SSX2IP: variants seen among roughly 807,000 people sequenced by gnomAD.
SSX2IP encodes afadin- and alpha-actinin-binding protein.
SSX2IP carries 55 observed loss-of-function variants against 84.9 expected under a neutral mutation model. That is an observed-to-expected ratio of 0.65 (90% CI 0.52 to 0.81). The LOEUF is 0.81. Ranked by LOEUF, SSX2IP falls within the 30% of genes least tolerant of loss-of-function variation. SSX2IP has a pLI of 0.00. For missense variants in SSX2IP, 664 were observed against 705.2 expected, an observed-to-expected ratio of 0.94 and a Z score of 0.66; for synonymous variants, 239 against 234.7, an observed-to-expected ratio of 1.02 and a Z score of -0.17.
intron 1 of SSX2IP, 187 bp downstream of exon 1, chr1:84,690,184 G>C (rs1257967723): frequency 6.6e-6 from 1 of 152,322 alleles, no homozygotes; most frequent in Non-Finnish European, 1.5e-5. Context: ...AGCGGCCCGG[G>C]TCGACGCTCG....
At chr1:84,684,730 AACAGGAG>A (rs1171073120) in intron 1 of SSX2IP, among the ~76,000 whole-genome samples, 1 of 152,206 alleles carries the variant, frequency 6.6e-6, no homozygotes, top group Admixed American at 6.5e-5. Context: ...ATATACCACC[AACAGGAG>A]AATGGATAAA....
In SSX2IP at chr1:84,655,855, C is replaced by T. The variant is rs774610707; in HGVS notation, c.1366G>A (p.Ala456Thr). ...FERERRSFTE[A>T]AIRLGLERKA... ...ACCTCCAATCCCAGGCGAATAGCGGCTTCTGTAAAGCTTCGTCTCTCCCTC... is the reference window on the plus strand; with the variant it reads ...ACCTCCAATCCCAGGCGAATAGCGGTTTCTGTAAAGCTTCGTCTCTCCCTC... The change falls in exon 11 of 14, where the codon GCC (alanine) becomes ACC (threonine). Residue 456 changes from alanine to threonine, a missense_variant. Ala to Thr is a moderately conservative substitution (Grantham distance 58). Coordinates refer to ENST00000342203, the MANE Select transcript of SSX2IP (RefSeq NM_001166293.2). The T allele has an allele frequency of 1.9e-6, 3 of 1,613,726 alleles. No individual in the cohort carries two copies. The highest frequency in any genetic ancestry group is 2.5e-6 in the Non-Finnish European group (3 of 1,179,830).
chr1:84,681,065 T>C (rs898592296), intron 1 of SSX2IP, among the ~76,000 whole-genome samples: 14 of 152,138 alleles, frequency 9.2e-5, no homozygotes, highest in African/African-American at 3.1e-4. Context: ...TATACAAATG[T>C]CCTACAGTTT....
At chr1:84,690,307 A>C (rs1027961210) in intron 1 of SSX2IP, 64 bp downstream of exon 1, 25 of 126,556 alleles carry the variant, frequency 2.0e-4, no homozygotes, top group East Asian at 7.4e-4. Flanking sequence ...GCCGGCGCCC[A>C]CCCCCGCCCG....
chr1:84,668,003 A>G (rs1653000477), intron 4 of SSX2IP, among the ~76,000 whole-genome samples: 1 of 152,174 alleles, frequency 6.6e-6, no homozygotes, highest in Non-Finnish European at 1.5e-5. Flanking sequence ...TTGTTCAACA[A>G]GTTGGATTAA....
At chr1:84,657,007 C>T (rs1651212262) in intron 9 of SSX2IP, among the ~76,000 whole-genome samples, 1 of 152,110 alleles carries the variant, frequency 6.6e-6, no homozygotes, top group Non-Finnish European at 1.5e-5. Flanking sequence ...CTCAAATGAA[C>T]AAAATCTCAT....
At chr1:84,669,954 T>A in intron 3 of SSX2IP, 61 bp from the exon 4 acceptor site, 1 of 1,258,372 alleles carries the variant, frequency 7.9e-7, no homozygotes. Context: ...GGTCAGAGGA[T>A]ACAAACTTTC....
rs1364889181 is a variant in SSX2IP, at chr1:84,643,852, C to G, written c.*3581G>C. ...ATATGTCACTGACATTACAGTACTT[C>G]CTGAGCTCTCAGGAATCCATTATTT... On this transcript the variant is annotated 3_prime_UTR_variant, in exon 14 of 14. Transcript: ENST00000342203. The G allele has an allele frequency of 1.3e-5, 2 of 152,094 alleles. No homozygotes were observed. Among genetic ancestry groups the G allele is most frequent in the African/African-American group, 4.8e-5 (2 of 41,412 alleles). The allele number at this position is 152,094 out of a possible 1,614,324, so 9.4% of individuals were successfully genotyped here. A position where few individuals can be genotyped will look rare whatever the true frequency, so the allele number is the denominator to read the frequency against.
At chr1:84,664,051 G>T (rs768647393) in intron 6 of SSX2IP, among the ~76,000 whole-genome samples, 4 of 152,090 alleles carry the variant, frequency 2.6e-5, no homozygotes, top group Non-Finnish European at 5.9e-5. Context: ...TTGGTCTGAT[G>T]AAAAATTTTA....
At chr1:84,686,983 T>C (rs1199957145) in intron 1 of SSX2IP, among the ~76,000 whole-genome samples, 2 of 151,730 alleles carry the variant, frequency 1.3e-5, no homozygotes, top group African/African-American at 2.4e-5. Flanking sequence ...AGATCTAGCA[T>C]GACAAAAAAA....
At chr1:84,667,031 C>G (rs1339674754) in intron 4 of SSX2IP, among the ~76,000 whole-genome samples, 1 of 152,048 alleles carries the variant, frequency 6.6e-6, no homozygotes, top group Non-Finnish European at 1.5e-5. Context: ...ACCTGGATAA[C>G]TCTAAGGTTG....
chr1:84,645,186 T>A lies in SSX2IP; in HGVS notation c.*2247A>T, dbSNP rs1649324267. The A allele has an allele frequency of 6.6e-6, 1 of 152,236 alleles. No individual in the cohort carries two copies. Among genetic ancestry groups the A allele is most frequent in the Non-Finnish European group, 1.5e-5 (1 of 68,042 alleles). 9.4% of individuals were successfully genotyped at this position (152,236 alleles called of 1,614,324 possible). A position where few individuals can be genotyped will look rare whatever the true frequency, so the allele number is the denominator to read the frequency against. On this transcript the variant is annotated 3_prime_UTR_variant, in exon 14 of 14. Transcript: ENST00000342203. Reference sequence around the variant, plus strand: ...GAGATTAGCACAGCTGTATTATTTGTACATTGCAAACACCTAGAAAGAGAT... The same window carrying A: ...GAGATTAGCACAGCTGTATTATTTGAACATTGCAAACACCTAGAAAGAGAT...
chr1:84,676,669 G>T (rs1654373088), intron 1 of SSX2IP, among the ~76,000 whole-genome samples: 1 of 142,296 alleles, frequency 7.0e-6, no homozygotes, highest in Non-Finnish European at 1.5e-5. Flanking sequence ...ATTTCTAATT[G>T]GTTGTGAAGC....
At chr1:84,651,812 T>G in intron 12 of SSX2IP, 71 bp downstream of exon 12, 1 of 876,402 alleles carries the variant, frequency 1.1e-6, no homozygotes, top group Admixed American at 2.5e-5. Flanking sequence ...TAATAATATG[T>G]AGTATTTTGT....
At position 84,671,316 on chromosome 1, in the gene SSX2IP, A is replaced by G. The variant is rs543707233; in HGVS notation, c.-89-8T>C. The G allele has an allele frequency of 4.1e-4, 629 of 1,541,250 alleles. No homozygotes were observed. The highest frequency in any genetic ancestry group is 4.9e-4 in the Non-Finnish European group (560 of 1,147,530). On this transcript the variant is annotated splice_polypyrimidine_tract_variant and splice_region_variant and intron_variant, in intron 1 of 13. Coordinates refer to ENST00000342203, the MANE Select transcript of SSX2IP (RefSeq NM_001166293.2). ...CTTCTATGTAGGCATCTCCTTAAAA[A>G]GCAGATTATAGAATAATAGCATCTA...
At chr1:84,650,651 A>G (rs779132412) in intron 12 of SSX2IP, 124 bp from the exon 13 acceptor site, 117 of 976,672 alleles carry the variant, frequency 1.2e-4, no homozygotes, top group Non-Finnish European at 1.6e-4. Flanking sequence ...ACAAATTCAA[A>G]TTAATTATCA....
chr1:84,661,865 T>C (rs554372363), intron 8 of SSX2IP, among the ~76,000 whole-genome samples: 1 of 152,322 alleles, frequency 6.6e-6, no homozygotes, highest in Non-Finnish European at 1.5e-5. Flanking sequence ...AAAATGGGGA[T>C]ATTTATAGTA....
At chr1:84,665,019 G>A (rs1652567241) in intron 5 of SSX2IP, among the ~76,000 whole-genome samples, 1 of 152,116 alleles carries the variant, frequency 6.6e-6, no homozygotes, top group Non-Finnish European at 1.5e-5. Flanking sequence ...TCGAGTAAGA[G>A]TAAGTCCAAA....
intron 5 of SSX2IP, among the ~76,000 whole-genome samples, 192 bp downstream of exon 5, chr1:84,665,930 C>T (rs918032117): frequency 6.6e-6 from 1 of 152,100 alleles, no homozygotes; most frequent in Non-Finnish European, 1.5e-5. Flanking sequence ...CCACTGGGGG[C>T]GGGGTCTGTA....
Sources: allele counts gnomAD v4.1 joint callset (sites outside exome capture counted in the v4.1 genomes callset), GRCh38; gene constraint gnomAD v4.1.1; transcripts MANE v1.5; gene names NCBI Gene and HGNC (gene_info 2026-07-23, HGNC 2026-07-21).